The following NHS variants were observed in gnomAD, a reference collection of about 807,000 sequenced individuals.
NHS encodes the protein NHS actin remodeling regulator.
In NHS, 5 loss-of-function variants were observed where a neutral mutation model predicts 72.5. That is an observed-to-expected ratio of 0.07 (90% CI 0.04 to 0.14). The LOEUF is 0.14. Ranked by LOEUF, NHS falls within the 10% of genes least tolerant of loss-of-function variation. The probability of loss-of-function intolerance (pLI) is 1.00; values close to 1 mark genes in which losing one functional copy is unlikely to be tolerated. For synonymous variants in NHS, 464 were observed against 547.7 expected, an observed-to-expected ratio of 0.85 and a Z score of 2.13; for missense variants, 1,072 against 1,355.7, an observed-to-expected ratio of 0.79 and a Z score of 3.29.
intron 1 of NHS, among the ~76,000 whole-genome samples, chrX:17,487,725 A>C (rs1284067413): frequency 1.8e-5 from 2 of 111,535 alleles, no homozygotes; most frequent in Admixed American, 9.5e-5. Flanking sequence ...TAACAGGTGT[A>C]CCCAAGCCAC....
chrX:17,511,656 T>G (rs1396413253), intron 1 of NHS, among the ~76,000 whole-genome samples: 1 of 112,225 alleles, frequency 8.9e-6, no homozygotes, highest in Non-Finnish European at 1.9e-5. Context: ...TAAGAGGTTT[T>G]GAAATGTGCA....
At position 17,687,864 on chromosome X, in the gene NHS, G is replaced by A. The variant is rs78153843; in HGVS notation, c.688G>A (p.Ala230Thr). The part of the protein sequence containing the change: ...PPCVEELHRH[A>T]RQSLQALRRE... ...CTGCGTGGAGGAGCTGCACCGCCAC[G>A]CCCGGCAGAGCCTGCAAGCCCTGCG... Residue 230 changes from alanine to threonine, a missense_variant, in exon 2 of 9, where the codon GCC becomes ACC. Ala to Thr is a moderately conservative substitution (Grantham distance 58). Coordinates refer to ENST00000676302, the MANE Select transcript of NHS (RefSeq NM_001291867.2). 1.5e-4 allele frequency: 181 copies of A among 1,210,306 alleles called. No individual in the cohort carries two copies. In the African/African-American group the frequency reaches 2.8e-3, roughly 19 times the overall value.
intron 1 of NHS, among the ~76,000 whole-genome samples, chrX:17,596,966 TCTGGCCAGAA>T (rs2065626641): frequency 9.0e-6 from 1 of 111,018 alleles, no homozygotes; most frequent in Admixed American, 9.6e-5. Flanking sequence ...CCACCTATAT[TCTGGCCAGAA>T]CTGTCACGTG....
chrX:17,570,002 G>A (rs2065466759), intron 1 of NHS, among the ~76,000 whole-genome samples: 2 of 111,577 alleles, frequency 1.8e-5, no homozygotes, highest in Non-Finnish European at 3.8e-5. Flanking sequence ...TATTTCTGAG[G>A]CCTCTGTTCT....
chrX:17,564,969 A>ATTTTTTTTTTTTTTTTTTT (rs201932159), intron 1 of NHS, among the ~76,000 whole-genome samples: 1 of 99,944 alleles, frequency 1.0e-5, no homozygotes, highest in African/African-American at 4.6e-5. Context: ...GTACAGCCAC[A>ATTTTTTTTTTTTTTTTTTT]TTTTTTTTTA....
chrX:17,683,372 CTTT>C (rs749162331), intron 1 of NHS, among the ~76,000 whole-genome samples: 211 of 111,750 alleles, frequency 1.9e-3, no homozygotes, highest in African/African-American at 6.3e-3. Flanking sequence ...GCACTAGATC[CTTT>C]TTATGTGGCA....
At chrX:17,397,867 G>T (rs1470498349) in intron 1 of NHS, among the ~76,000 whole-genome samples, 1 of 111,928 alleles carries the variant, frequency 8.9e-6, no homozygotes, top group Non-Finnish European at 1.9e-5. Context: ...TGTGTGTTGA[G>T]GGATGTGGTA....
chrX:17,420,320 C>G (rs1471968739), intron 1 of NHS, among the ~76,000 whole-genome samples: 2 of 111,957 alleles, frequency 1.8e-5, no homozygotes, highest in African/African-American at 6.5e-5. Flanking sequence ...CCGTCCACCC[C>G]TGCACCCATG....
At chrX:17,717,114 T>C (rs1205368097) in intron 3 of NHS, among the ~76,000 whole-genome samples, 2 of 110,696 alleles carry the variant, frequency 1.8e-5, no homozygotes, top group Non-Finnish European at 3.8e-5. Context: ...ATTACAGGCA[T>C]GCGCCACCAC....
intron 1 of NHS, among the ~76,000 whole-genome samples, chrX:17,477,020 TC>T (rs1046056974): frequency 2.7e-5 from 3 of 112,394 alleles, no homozygotes; most frequent in Admixed American, 9.4e-5. Flanking sequence ...ACTCCTATGT[TC>T]CTGGCACTGT....
chrX:17,445,853 AC>A (rs1569256148), intron 1 of NHS, among the ~76,000 whole-genome samples: 5 of 107,788 alleles, frequency 4.6e-5, no homozygotes, highest in Admixed American at 4.0e-4. Context: ...AAAAAAAAAA[AC>A]AACAACTCAA....
At chrX:17,643,474 G>A (rs1004039075) in intron 1 of NHS, among the ~76,000 whole-genome samples, 3 of 111,052 alleles carry the variant, frequency 2.7e-5, no homozygotes, top group African/African-American at 9.8e-5. Flanking sequence ...TGTTTAGTTC[G>A]TCCAAAGTAG....
intron 1 of NHS, among the ~76,000 whole-genome samples, chrX:17,654,889 G>C (rs1381691166): frequency 5.3e-5 from 6 of 112,517 alleles, no homozygotes; most frequent in Non-Finnish European, 1.1e-4. Context: ...TATATGGAGA[G>C]CCTACCAACT....
At chrX:17,584,355 C>T (rs1236551145) in intron 1 of NHS, among the ~76,000 whole-genome samples, 1 of 111,442 alleles carries the variant, frequency 9.0e-6, no homozygotes, top group African/African-American at 3.3e-5. Flanking sequence ...CGGGTGGCTA[C>T]TGCTCCTGCT....
At chrX:17,686,056 C>G (rs1288971161) in intron 1 of NHS, among the ~76,000 whole-genome samples, 1 of 112,002 alleles carries the variant, frequency 8.9e-6, no homozygotes, top group Admixed American at 9.5e-5. Flanking sequence ...CTTCCCTTCC[C>G]TCATGTTGCC....
At chrX:17,471,424 C>T (rs913373570) in intron 1 of NHS, among the ~76,000 whole-genome samples, 1 of 112,070 alleles carries the variant, frequency 8.9e-6, no homozygotes, top group African/African-American at 3.2e-5. Context: ...TTTGCATGAG[C>T]CACCGGGGTG....
At chrX:17,556,618 A>G (rs1196040974) in intron 1 of NHS, among the ~76,000 whole-genome samples, 1 of 112,920 alleles carries the variant, frequency 8.9e-6, no homozygotes, top group Admixed American at 9.3e-5. Flanking sequence ...AATGGAGAGA[A>G]GTTAAGTAAT....
At chrX:17,599,669 C>T (rs2065640186) in intron 1 of NHS, among the ~76,000 whole-genome samples, 1 of 110,415 alleles carries the variant, frequency 9.1e-6, no homozygotes, top group Non-Finnish European at 1.9e-5. Context: ...GCAAACACAT[C>T]CAAAAAATGA....
At chrX:17,447,014 C>T (rs867839275) in intron 1 of NHS, among the ~76,000 whole-genome samples, 3 of 112,074 alleles carry the variant, frequency 2.7e-5, no homozygotes, top group Non-Finnish European at 5.6e-5. Context: ...CAGTAAGTAA[C>T]ATTGCCAACT....
Sources: allele counts gnomAD v4.1 joint callset (sites outside exome capture counted in the v4.1 genomes callset), GRCh38; gene constraint gnomAD v4.1.1; transcripts MANE v1.5; gene names NCBI Gene and HGNC (gene_info 2026-07-23, HGNC 2026-07-21).